The following SETD1B variants were observed in gnomAD, a reference collection of about 807,000 sequenced individuals.
SETD1B encodes histone-lysine N-methyltransferase SETD1B.
SETD1B carries 7 observed loss-of-function variants against 148.0 expected under a neutral mutation model. The observed-to-expected ratio is 0.05, with a 90% CI of 0.03 to 0.09. The LOEUF (loss-of-function observed/expected upper bound fraction) is 0.09. Ranked by LOEUF, SETD1B falls within the 10% of genes least tolerant of loss-of-function variation. The pLI is 1.00. For synonymous variants in SETD1B, 1,361 were observed against 1,186.5 expected (o/e 1.15, Z -3.02); for missense variants, 2,155 against 2,729.9 (o/e 0.79, Z 4.69).
intron 13 of SETD1B, among the ~76,000 whole-genome samples, chr12:121,825,657 TA>T (rs1345275606): frequency 6.6e-6 from 1 of 151,970 alleles, no homozygotes; most frequent in Non-Finnish European, 1.5e-5. Context: ...GTTTTTTTTT[TA>T]GGGGGGGACA....
rs1370843688 is a variant in SETD1B, at chr12:121,817,039, C to G, written c.2722C>G (p.Leu908Val). The change falls in exon 8 of 17, where the codon CTG becomes GTG. Residue 908 changes from leucine (L) to valine (V), a missense_variant. Leu to Val is a conservative substitution (Grantham distance 32). Transcript: ENST00000604567. This position sits in a 1 kb window ranked among gnomAD's most constrained non-coding sequence, Gnocchi z 8.1. ...CCTCCTGTCTCCACCCCAGGCCTCG[C>G]TGACCCCGGTGAAGTCGGGCGAGCA... ...DKKERMAKAS[L>V]TPVKSGEHKD... 6.6e-7 allele frequency: 1 copy of G among 1,520,906 alleles called. No individual in the cohort carries two copies. 94.2% of individuals were successfully genotyped at this position (1,520,906 alleles called of 1,614,324 possible).
the SETD1B span, chr12:121,793,805 C>T: frequency 1.9e-6 from 1 of 538,588 alleles, no homozygotes; most frequent in Non-Finnish European, 3.1e-6. Flanking sequence ...AGGTCTCAGC[C>T]CTGGGTGTGG....
chr12:121,811,399 C>T (rs118055116), intron 6 of SETD1B, among the ~76,000 whole-genome samples: 4,347 of 149,740 alleles, frequency 0.029, 112 homozygotes, highest in Non-Finnish European at 0.042. Context: ...CTTCTTCTCC[C>T]ACTGGCTCCA....
In SETD1B at chr12:121,831,858, T is replaced by C. The variant is rs532542382; in HGVS notation, c.*1619T>C. 6.6e-6 allele frequency: 1 copy of C among 151,858 alleles called. No homozygotes were observed. The highest frequency in any genetic ancestry group is 6.6e-5 in the Admixed American group (1 of 15,206). The allele number at this position is 151,858 out of a possible 1,614,324, so 9.4% of individuals were successfully genotyped here. ...TGTACAAAGAATTGTTATTTTTCTC[T>C]TTTTTGTTGTTGGTGGTTTTGTTGT... On this transcript the variant is annotated 3_prime_UTR_variant, in exon 17 of 17. Coordinates refer to ENST00000604567, the MANE Select transcript of SETD1B (RefSeq NM_001353345.2).
In SETD1B at chr12:121,805,800, T is replaced by G; in HGVS notation, c.274-35T>G. 2 of 1,538,428 alleles carry G rather than the reference T, an allele frequency of 1.3e-6. No homozygotes were observed. The highest frequency in any genetic ancestry group is 2.4e-5 in the South Asian group (2 of 82,422). ...TTGTGTTTTCCCTTAGGTTTAAACG[T>G]TCTTCAAACTCCCTTCCCCCTCGGC... On this transcript the variant is annotated intron_variant, in intron 3 of 16. Transcript: ENST00000604567. This position sits in a 1 kb window ranked among gnomAD's most constrained non-coding sequence, Gnocchi z 4.2.
rs762943850 is a variant in SETD1B at position 121,817,734 on chromosome 12, G to C, written c.3312+30G>C. 7.8e-6 allele frequency: 12 copies of C among 1,537,510 alleles called. No homozygotes were observed. Among genetic ancestry groups the C allele is most frequent in the Non-Finnish European group, 1.1e-5 (12 of 1,137,064 alleles). ...CTAGCAGGCCAGGAAGCCTCAGGGG[G>C]CCGGGCCAGGCGACGAGGGCCAGAC... On this transcript the variant is annotated intron_variant, in intron 9 of 16. Transcript: ENST00000604567. This position sits in a 1 kb window ranked among gnomAD's most constrained non-coding sequence, Gnocchi z 8.1.
In SETD1B at chr12:121,810,363, G is replaced by A. The variant is rs1243289757; in HGVS notation, c.1418G>A (p.Ser473Asn). 2 of 1,547,608 alleles carry A rather than the reference G, an allele frequency of 1.3e-6. No individual in the cohort carries two copies. Among genetic ancestry groups the A allele is most frequent in the Admixed American group, 3.9e-5 (2 of 51,008 alleles). The part of the protein sequence containing the change: ...ELGGRPTFGW[S>N]PEPCDSPGTP... ...GGCGGCCGGCCCACCTTCGGCTGGAGTCCTGAGCCCTGTGACAGCCCTGGC... is the reference window on the plus strand; with the variant it reads ...GGCGGCCGGCCCACCTTCGGCTGGAATCCTGAGCCCTGTGACAGCCCTGGC... The change falls in exon 6 of 17, where the codon AGT becomes AAT. Residue 473 changes from serine to asparagine, a missense_variant. This residue lies in a region of SETD1B where 376 missense variants were observed against 385.0 expected (regional missense o/e 0.98). Transcript: ENST00000604567. This position sits in a 1 kb window ranked among gnomAD's most constrained non-coding sequence, Gnocchi z 7.6.
At position 121,809,821 on chromosome 12, in the gene SETD1B, C is replaced by T. The variant is rs1390990364; in HGVS notation, c.876C>T (p.Arg292=). The change falls in exon 6 of 17, where the codon CGC becomes CGT. Residue 292 remains arginine (R), a synonymous_variant. Coordinates refer to ENST00000604567, the MANE Select transcript of SETD1B (RefSeq NM_001353345.2). Reference sequence around the variant, plus strand: ...CACAGGACTCCAGCTACTCCAGCCGCCAGCCCACACCCTCATACCTCTTCA... The same window carrying T: ...CACAGGACTCCAGCTACTCCAGCCGTCAGCCCACACCCTCATACCTCTTCA... The part of the protein sequence containing the change: ...PFSQDSSYSS[R]QPTPSYLFSQ... 24 of 1,551,480 alleles carry T rather than the reference C, an allele frequency of 1.5e-5. No homozygotes were observed. Among genetic ancestry groups the T allele is most frequent in the Non-Finnish European group, 2.0e-5 (23 of 1,147,000 alleles).
chr12:121,812,846 C>G (rs910040335), intron 6 of SETD1B, among the ~76,000 whole-genome samples: 2 of 152,102 alleles, frequency 1.3e-5, no homozygotes, highest in Non-Finnish European at 2.9e-5. Flanking sequence ...TTTGGGTAGT[C>G]TCCGTCCTCC....
the SETD1B span, chr12:121,797,699 C>A: frequency 2.5e-5 from 11 of 432,918 alleles, no homozygotes; most frequent in East Asian, 6.3e-4. Context: ...GGAGTAAAGA[C>A]CCCACCCGGA....
In SETD1B at chr12:121,814,234, T is replaced by G; in HGVS notation, c.2019T>G (p.Ser673=). 1 of 1,527,302 alleles carries G rather than the reference T, an allele frequency of 6.5e-7. No homozygotes were observed. Among genetic ancestry groups the G allele is most frequent in the Non-Finnish European group, 8.8e-7 (1 of 1,142,242 alleles). 94.6% of individuals were successfully genotyped at this position (1,527,302 alleles called of 1,614,324 possible). ...TPGAAAVAAP[S]VLAPTLPLPP... Reference sequence around the variant, plus strand: ...GAGCGGCAGCCGTGGCAGCCCCTTCTGTGCTAGCCCCAACCCTGCCGCTGC... The same window carrying G: ...GAGCGGCAGCCGTGGCAGCCCCTTCGGTGCTAGCCCCAACCCTGCCGCTGC... Residue 673 remains serine (S), a synonymous_variant, in exon 7 of 17, where the codon TCT becomes TCG. Transcript: ENST00000604567.
chr12:121,799,702 C>T (rs1875202972), upstream of SETD1B: 1 of 40,416 alleles, frequency 2.5e-5, no homozygotes, highest in African/African-American at 5.4e-5. Context: ...GCAGGCGGCC[C>T]TACGCGCTCG....
At position 121,809,865 on chromosome 12, in the gene SETD1B, C is replaced by T; in HGVS notation, c.920C>T (p.Thr307Ile). The T allele has an allele frequency of 6.4e-7, 1 of 1,551,382 alleles. No homozygotes were observed. The highest frequency in any genetic ancestry group is 8.7e-7 in the Non-Finnish European group (1 of 1,146,996). The part of the protein sequence containing the change: ...SYLFSQDPAV[T>I]FKARRHESKF... ...CTCTTCAGCCAGGACCCTGCAGTGA[C>T]CTTCAAGGCCCGGCGCCACGAGAGC... Residue 307 changes from threonine (T) to isoleucine (I), a missense_variant, in exon 6 of 17, where the codon ACC becomes ATC. Physicochemically the swap from Thr to Ile is moderately conservative, Grantham distance 89. Around this residue, in one of 11 missense-constraint regions of SETD1B, gnomAD observed 376 missense variants for 385.0 expected, o/e 0.98. Transcript: ENST00000604567.
In SETD1B at chr12:121,814,888, G is replaced by A; in HGVS notation, c.2673G>A (p.Arg891=). The change falls in exon 7 of 17, where the codon CGG becomes CGA. Residue 891 remains arginine, a synonymous_variant. Coordinates refer to ENST00000604567, the MANE Select transcript of SETD1B (RefSeq NM_001353345.2). ...NRKMVEVVAF[R]AFDEWWDKKE... Reference sequence around the variant, plus strand: ...AGATGGTGGAAGTGGTGGCTTTCCGGGCCTTTGACGAGTGGTGGGACAAGA... The same window carrying A: ...AGATGGTGGAAGTGGTGGCTTTCCGAGCCTTTGACGAGTGGTGGGACAAGA... 2 of 1,551,244 alleles carry A rather than the reference G, an allele frequency of 1.3e-6. No homozygotes were observed. The highest frequency in any genetic ancestry group is 2.4e-5 in the South Asian group (2 of 84,060).
In SETD1B at chr12:121,832,320, C is replaced by T. The variant is rs1208128315; in HGVS notation, c.*2081C>T. The T allele has an allele frequency of 6.5e-6, 1 of 153,564 alleles. No homozygotes were observed. Among genetic ancestry groups the T allele is most frequent in the Non-Finnish European group, 1.5e-5 (1 of 68,962 alleles). 9.5% of individuals were successfully genotyped at this position (153,564 alleles called of 1,614,324 possible). A position where few individuals can be genotyped will look rare whatever the true frequency, so the allele number is the denominator to read the frequency against. On this transcript the variant is annotated 3_prime_UTR_variant, in exon 17 of 17. Coordinates refer to ENST00000604567, the MANE Select transcript of SETD1B (RefSeq NM_001353345.2). ...TCCCTCTCCCCAGGAGCCCCAGCCC[C>T]AGAGTGGTTTGCAATAATCAAGATA...
intron 11 of SETD1B, among the ~76,000 whole-genome samples, chr12:121,820,982 C>T (rs891311579): frequency 3.3e-5 from 5 of 152,188 alleles, no homozygotes; most frequent in African/African-American, 1.2e-4. Context: ...ATATGGAGGG[C>T]GATCGCCTAT....
Position 121,804,589 on chromosome 12 carries a change from C to T in SETD1B, c.-14-135C>T. On this transcript the variant is annotated intron_variant, in intron 1 of 16. Transcript: ENST00000604567. The surrounding 1 kb of genome is among the most constrained non-coding windows in gnomAD (Gnocchi z 4.6). ...CCATTCTTGTTTTGGGGGGAGCCAG[C>T]GAGACAGCTCCTTTCGGGGCGCGCT... 1 of 689,686 alleles carries T rather than the reference C, an allele frequency of 1.4e-6. No homozygotes were observed. Among genetic ancestry groups the T allele is most frequent in the Non-Finnish European group, 2.4e-6 (1 of 419,830 alleles). The allele number at this position is 689,686 out of a possible 1,614,324, so 42.7% of individuals were successfully genotyped here. A position where few individuals can be genotyped will look rare whatever the true frequency, so the allele number is the denominator to read the frequency against.
At position 121,810,293 on chromosome 12, in the gene SETD1B, A is replaced by ACGCCACCCGGCCCGC. The variant is rs1875963652; in HGVS notation, c.1353_1367dup (p.Gly453_Pro457dup). ...GCCTCTGGCCAAGGAGAAGCCAGGC[A>ACGCCACCCGGCCCGC]CGCCACCCGGCCCGCCGCCCCCCGA... On this transcript the variant is annotated inframe_insertion, in exon 6 of 17. Coordinates refer to ENST00000604567, the MANE Select transcript of SETD1B (RefSeq NM_001353345.2). This position sits in a 1 kb window ranked among gnomAD's most constrained non-coding sequence, Gnocchi z 7.6. The ACGCCACCCGGCCCGC allele has an allele frequency of 1.3e-6, 2 of 1,542,846 alleles. No individual in the cohort carries two copies. The highest frequency in any genetic ancestry group is 3.9e-5 in the Admixed American group (2 of 50,928).
At chr12:121,811,529 C>G (rs2137555066) in intron 6 of SETD1B, among the ~76,000 whole-genome samples, 1 of 152,330 alleles carries the variant, frequency 6.6e-6, no homozygotes, top group South Asian at 2.1e-4. Flanking sequence ...GCCTAAACCT[C>G]CAGCCTCAGG....
Sources: gnomAD v4.1 joint callset for allele counts (sites outside exome capture counted in the v4.1 genomes callset) on GRCh38, gnomAD v4.1.1 for gene constraint, gnomAD v4.1.1 regional missense constraint, Gnocchi (gnomAD v3.1) non-coding constraint, MANE v1.5 for transcripts, NCBI Gene and HGNC (gene_info 2026-07-23, HGNC 2026-07-21) for gene names.